The following MMS19 variants were observed in gnomAD, a reference collection of about 807,000 sequenced individuals.
The protein encoded by MMS19 is MMS19 nucleotide excision repair protein homolog.
MMS19 carries 77 observed loss-of-function variants against 129.8 expected under a neutral mutation model. The observed-to-expected ratio is 0.59, with a 90% confidence interval of 0.49 to 0.72. MMS19 has a LOEUF of 0.72. Among genes scored for constraint, MMS19 ranks in the 30% least tolerant of loss-of-function variants. The pLI, the probability that MMS19 is intolerant of heterozygous loss-of-function variation, is 0.00. For missense variants in MMS19, 1,168 were observed against 1,266.3 expected (o/e 0.92, Z 1.18); for synonymous variants, 491 against 502.8 (o/e 0.98, Z 0.31).
At chr10:97,478,028 C>T in intron 4 of MMS19, 99 bp from the exon 5 acceptor site, 3 of 765,324 alleles carry the variant, frequency 3.9e-6, no homozygotes, top group Non-Finnish European at 6.4e-6. Flanking sequence ...GTAAGAATCA[C>T]AGCATCCTGG....
Position 97,468,400 on chromosome 10 carries a change from C to G in MMS19, c.1070G>C (p.Arg357Thr). 6.2e-7 allele frequency: 1 copy of G among 1,605,762 alleles called. No individual in the cohort carries two copies. The highest frequency in any genetic ancestry group is 1.1e-5 in the South Asian group (1 of 90,176). The change falls in exon 13 of 31, where the codon AGG becomes ACG. Residue 357 changes from arginine (R) to threonine (T), a missense_variant. Transcript: ENST00000438925. The stretch of plus-strand genomic sequence containing the variant: ...CATGTCCGGTTCACACAGGTGGTGC[C>G]TGCAGTCTAGAGAAGCAGCACATCA... ...SFLSNILQDC[R>T]HHLCEPDMKL... is the part of the protein sequence containing the mutation.
chr10:97,488,544 G>C (rs780198791), intron 1 of MMS19, among the ~76,000 whole-genome samples: 4 of 152,184 alleles, frequency 2.6e-5, no homozygotes, highest in Non-Finnish European at 5.9e-5. Flanking sequence ...AAAATGGTAA[G>C]AGTATTTGCA....
intron 1 of MMS19, among the ~76,000 whole-genome samples, chr10:97,488,675 G>A (rs888004570): frequency 6.6e-6 from 1 of 152,166 alleles, no homozygotes; most frequent in African/African-American, 2.4e-5. Context: ...AATAATGACA[G>A]GAAAAAAGTC....
intron 1 of MMS19, among the ~76,000 whole-genome samples, chr10:97,496,353 A>G (rs2039779009): frequency 6.6e-6 from 1 of 152,002 alleles, no homozygotes; most frequent in Admixed American, 6.6e-5. Context: ...TCGTCACTAC[A>G]ATACAAAAAT....
chr10:97,496,287 G>T (rs964086433), intron 1 of MMS19, among the ~76,000 whole-genome samples: 1 of 152,126 alleles, frequency 6.6e-6, no homozygotes, highest in East Asian at 1.9e-4. Flanking sequence ...AAGCTGAGAT[G>T]GGAGGATGGC....
chr10:97,497,813 A>AG (rs1324132762), intron 1 of MMS19, among the ~76,000 whole-genome samples: 1 of 152,188 alleles, frequency 6.6e-6, no homozygotes, highest in Non-Finnish European at 1.5e-5. Context: ...AGCCAGTCAG[A>AG]GCGCGGGGCC....
At chr10:97,485,557 C>T (rs2037675620) in intron 1 of MMS19, among the ~76,000 whole-genome samples, 2 of 152,170 alleles carry the variant, frequency 1.3e-5, no homozygotes, top group Admixed American at 6.5e-5. Flanking sequence ...GTGATCCGCC[C>T]GCCTTGGCCT....
chr10:97,498,500 CACGTGCCTGCCGGCTTCTG>C, upstream of MMS19: 2 of 1,451,584 alleles, frequency 1.4e-6, no homozygotes, highest in Non-Finnish European at 1.8e-6. Context: ...GCGCCGGGGT[CACGTGCCTGCCGGCTTCTG>C]CCTAGGCAGT....
At chr10:97,476,385 A>C (rs2035784301) in intron 8 of MMS19, among the ~76,000 whole-genome samples, 1 of 152,092 alleles carries the variant, frequency 6.6e-6, no homozygotes, top group Non-Finnish European at 1.5e-5. Context: ...TTTCCTACCT[A>C]ATCTCCTATT....
chr10:97,469,603 A>G, intron 11 of MMS19, 43 bp downstream of exon 11: 2 of 1,498,644 alleles, frequency 1.3e-6, no homozygotes, highest in Non-Finnish European at 1.9e-6. Context: ...CATGCCTGAC[A>G]ATTGAAAGTT....
intron 19 of MMS19, among the ~76,000 whole-genome samples, chr10:97,463,424 G>A (rs1176758291): frequency 6.6e-6 from 1 of 152,232 alleles, no homozygotes. Context: ...CTCCTGAAGT[G>A]CTGGGATTAC....
chr10:97,466,110 C>T lies in MMS19; in HGVS notation c.1555G>A (p.Val519Met). The change falls in exon 17 of 31, where the codon GTG becomes ATG. Residue 519 changes from valine to methionine, a missense_variant. Coordinates refer to ENST00000438925, the MANE Select transcript of MMS19 (RefSeq NM_022362.5). ...ASGTLAALYPVAFSSHLVPKL... is the reference protein window; with the variant it reads ...ASGTLAALYPMAFSSHLVPKL... ...GGTACGAGGTGGCTGCTGAAGGCCA[C>T]AGGGTAGAGAGCAGCCAGGGTTCCT... is the stretch of plus-strand genomic sequence containing the variant. 1 of 1,601,298 alleles carries T rather than the reference C, an allele frequency of 6.2e-7. No homozygotes were observed. The highest frequency in any genetic ancestry group is 8.5e-7 in the Non-Finnish European group (1 of 1,173,688).
chr10:97,488,169 T>C (rs946693846), intron 1 of MMS19, among the ~76,000 whole-genome samples: 1 of 152,114 alleles, frequency 6.6e-6, no homozygotes, highest in African/African-American at 2.4e-5. Context: ...TAAAAGGAAC[T>C]ACAAGTATGT....
chr10:97,458,964 G>A lies in MMS19; in HGVS notation c.2965-64C>T. ...AGGCAACTGAAAGTACCGCTTTTTT[G>A]ATTCTGTACAACTAATATTCTGAGG... On this transcript the variant is annotated intron_variant, in intron 29 of 30. Coordinates refer to ENST00000438925, the MANE Select transcript of MMS19 (RefSeq NM_022362.5). 6 of 1,490,592 alleles carry A rather than the reference G, an allele frequency of 4.0e-6. No homozygotes were observed. In the South Asian group the frequency reaches 6.9e-5, roughly 17 times the overall value. 92.3% of individuals were successfully genotyped at this position (1,490,592 alleles called of 1,614,324 possible).
At chr10:97,488,933 G>C (rs1564700790) in intron 1 of MMS19, among the ~76,000 whole-genome samples, 1 of 152,154 alleles carries the variant, frequency 6.6e-6, no homozygotes, top group African/African-American at 2.4e-5. Context: ...ATTCTCTGTA[G>C]CTACTTTTAT....
At chr10:97,481,738 T>C (rs1264534252) in intron 2 of MMS19, among the ~76,000 whole-genome samples, 1 of 151,954 alleles carries the variant, frequency 6.6e-6, no homozygotes, top group Non-Finnish European at 1.5e-5. Context: ...AAGCAGAAAG[T>C]GGAAGAGTTC....
At chr10:97,469,976 G>C (rs1023453318) in intron 10 of MMS19, among the ~76,000 whole-genome samples, 153 bp downstream of exon 10, 1 of 152,216 alleles carries the variant, frequency 6.6e-6, no homozygotes, top group African/African-American at 2.4e-5. Flanking sequence ...ACGATATGCA[G>C]CTGGGGGCTT....
In MMS19 at chr10:97,463,936, C is replaced by T. The variant is rs759908743; in HGVS notation, c.1834G>A (p.Asp612Asn). Residue 612 changes from aspartate (D) to asparagine (N), a missense_variant, in exon 19 of 31, where the codon GAC becomes AAC. Asp to Asn is a conservative substitution (Grantham distance 23). This residue lies in a region of MMS19 where 831 missense variants were observed against 910.8 expected (regional missense o/e 0.91). Transcript: ENST00000438925. Reference sequence around the variant, plus strand: ...TGGAAATACCAGCAACTCTCAGGGTCCTGCTGACATTTTTCTGCCATCTGT... The same window carrying T: ...TGGAAATACCAGCAACTCTCAGGGTTCTGCTGACATTTTTCTGCCATCTGT... ...LRQMAEKCQQDPESCWYFHQT... is the reference protein window; with the variant it reads ...LRQMAEKCQQNPESCWYFHQT... 13 of 1,612,782 alleles carry T rather than the reference C, an allele frequency of 8.1e-6. No homozygotes were observed. In the South Asian group the frequency reaches 9.9e-5, roughly 12 times the overall value.
At chr10:97,473,031 C>CT (rs2035050779) in intron 8 of MMS19, among the ~76,000 whole-genome samples, 1 of 151,684 alleles carries the variant, frequency 6.6e-6, no homozygotes, top group African/African-American at 2.4e-5. Context: ...CTAGAATTCT[C>CT]TTTTTATTTA....
Sources: allele counts gnomAD v4.1 joint callset (sites outside exome capture counted in the v4.1 genomes callset), GRCh38; gene constraint gnomAD v4.1.1; regional missense constraint gnomAD v4.1.1; transcripts MANE v1.5; gene names NCBI Gene and HGNC (gene_info 2026-07-23, HGNC 2026-07-21).